The following ATXN1 variants were observed in gnomAD, a reference collection of about 807,000 sequenced individuals.
ATXN1 encodes ataxin-1.
A neutral mutation model predicts 56.4 loss-of-function variants in ATXN1; 8 were observed. That is an observed-to-expected ratio of 0.14 (90% confidence interval 0.08 to 0.26). The LOEUF is 0.26. Ranked by LOEUF, ATXN1 falls within the 10% of genes least tolerant of loss-of-function variation. The pLI, the probability that ATXN1 is intolerant of heterozygous loss-of-function variation, is 1.00. For synonymous variants in ATXN1, 514 were observed against 494.6 expected (o/e 1.04, Z -0.52); for missense variants, 987 against 1,106.5 (o/e 0.89, Z 1.53).
chr6:16,566,169 G>A (rs1052293856), intron 4 of ATXN1, among the ~76,000 whole-genome samples: 5 of 152,124 alleles, frequency 3.3e-5, no homozygotes, highest in South Asian at 2.1e-4. Context: ...CTAGAAATCT[G>A]TAAACTCCAA....
chr6:16,597,130 G>A (rs746800041), intron 3 of ATXN1, among the ~76,000 whole-genome samples: 3 of 152,224 alleles, frequency 2.0e-5, no homozygotes, highest in Non-Finnish European at 2.9e-5. Context: ...CCTCCCAGGG[G>A]ATTGAGCTCC....
chr6:16,326,548 T>C lies in ATXN1; in HGVS notation c.1763A>G (p.Lys588Arg), dbSNP rs1243975499. The stretch of plus-strand genomic sequence containing the variant: ...TTCTGTTTTTAAGTCTTCCACCTTC[T>C]TTAGCTCCCCGTTGGCCAACTGGAT... ...SIIQLANGEL[K>R]KVEDLKTEDF... The change falls in exon 7 of 8, where the codon AAG becomes AGG. Residue 588 changes from lysine (K) to arginine (R), a missense_variant. By Grantham distance (26) the Lys-to-Arg change is conservative. Around this residue, in one of 3 missense-constraint regions of ATXN1, gnomAD observed 68 missense variants for 118.1 expected, o/e 0.58. Coordinates refer to ENST00000436367, the MANE Select transcript of ATXN1 (RefSeq NM_001128164.2). The surrounding 1 kb of genome is among the most constrained non-coding windows in gnomAD (Gnocchi z 6.6). 6.2e-7 allele frequency: 1 copy of C among 1,614,068 alleles called. No individual in the cohort carries two copies. The highest frequency in any genetic ancestry group is 8.5e-7 in the Non-Finnish European group (1 of 1,180,044).
At chr6:16,416,711 C>T (rs1007725387) in intron 6 of ATXN1, among the ~76,000 whole-genome samples, 2 of 152,220 alleles carry the variant, frequency 1.3e-5, no homozygotes, top group African/African-American at 4.8e-5. Context: ...ATACCTCTGA[C>T]CCCTCTGAAT....
chr6:16,456,019 C>A (rs1038736605), intron 6 of ATXN1, among the ~76,000 whole-genome samples: 2 of 152,094 alleles, frequency 1.3e-5, no homozygotes, highest in Admixed American at 6.5e-5. Context: ...TGGGAGGGGA[C>A]AAATAAGGGA....
intron 2 of ATXN1, among the ~76,000 whole-genome samples, chr6:16,724,278 A>G (rs1759803112): frequency 6.6e-6 from 1 of 152,196 alleles, no homozygotes; most frequent in Non-Finnish European, 1.5e-5. Context: ...TCGAGAGAAA[A>G]TTCATGAAGT....
rs756032118 is a variant in ATXN1, at chr6:16,327,432, G to A, written c.879C>T (p.Tyr293=). ...LGPPSQVVMQ[Y]ADSGSHFVPR... is the part of the protein sequence containing the mutation. Reference sequence around the variant, plus strand: ...GGACAAAGTGGCTGCCGGAGTCGGCGTATTGCATGACGACCTGGGAGGGGG... The same window carrying A: ...GGACAAAGTGGCTGCCGGAGTCGGCATATTGCATGACGACCTGGGAGGGGG... The change falls in exon 7 of 8, where the codon TAC becomes TAT. Residue 293 remains tyrosine (Y), a synonymous_variant. Coordinates refer to ENST00000436367, the MANE Select transcript of ATXN1 (RefSeq NM_001128164.2). 3.2e-5 allele frequency: 51 copies of A among 1,613,580 alleles called. No individual in the cohort carries two copies. The highest frequency in any genetic ancestry group is 4.2e-5 in the Non-Finnish European group (49 of 1,179,996).
At chr6:16,308,364 ACACAC>A (rs1760308636) in intron 7 of ATXN1, among the ~76,000 whole-genome samples, 1 of 140,398 alleles carries the variant, frequency 7.1e-6, no homozygotes, top group Admixed American at 7.2e-5. Flanking sequence ...ACACACACAC[ACACAC>A]TTCCTGGGTT....
chr6:16,751,447 C>T (rs367726614), intron 2 of ATXN1, among the ~76,000 whole-genome samples: 28 of 152,330 alleles, frequency 1.8e-4, no homozygotes, highest in African/African-American at 6.5e-4. Flanking sequence ...TTCCCTCCTC[C>T]ACCTTGTCCC....
At chr6:16,751,649 T>C (rs913533040) in intron 2 of ATXN1, among the ~76,000 whole-genome samples, 1 of 151,620 alleles carries the variant, frequency 6.6e-6, no homozygotes, top group Non-Finnish European at 1.5e-5. Context: ...ATTCAGAATT[T>C]AAAATTCAGC....
intron 3 of ATXN1, among the ~76,000 whole-genome samples, chr6:16,650,766 G>T (rs1041980236): frequency 6.6e-6 from 1 of 152,150 alleles, no homozygotes; most frequent in South Asian, 2.1e-4. Flanking sequence ...TAAGGCGAAC[G>T]CTGAGCTGAA....
chr6:16,519,430 G>A (rs551475227), intron 5 of ATXN1, among the ~76,000 whole-genome samples: 5 of 152,164 alleles, frequency 3.3e-5, no homozygotes, highest in Admixed American at 6.5e-5. Flanking sequence ...TAGAGAAACT[G>A]CAATTAGAAA....
At chr6:16,688,340 A>C (rs1185916689) in intron 2 of ATXN1, among the ~76,000 whole-genome samples, 2 of 152,258 alleles carry the variant, frequency 1.3e-5, no homozygotes, top group Non-Finnish European at 2.9e-5. Context: ...GTAAATGAAG[A>C]AACAATAGTT....
chr6:16,690,785 T>G (rs994958442), intron 2 of ATXN1, among the ~76,000 whole-genome samples: 1 of 152,160 alleles, frequency 6.6e-6, no homozygotes, highest in Non-Finnish European at 1.5e-5. Context: ...AGCACCAATG[T>G]AGTCAGTGCT....
Position 16,396,443 on chromosome 6 carries a change from T to G in ATXN1, c.-160-67973A>C, listed in dbSNP as rs149425853. 1.2e-4 allele frequency among the ~76,000 whole-genome samples: 19 copies of G among 152,148 alleles called. No individual in the cohort carries two copies. The East Asian group carries it at 3.3e-3, about 26-fold the overall frequency. Reference sequence around the variant, plus strand: ...AAAACAAGCTTATAGAATAAAGATATAAAGAAAGAAAATATTCTTGTACAG... The same window carrying G: ...AAAACAAGCTTATAGAATAAAGATAGAAAGAAAGAAAATATTCTTGTACAG... On this transcript the variant is annotated intron_variant, in intron 6 of 7. Coordinates refer to ENST00000436367, the MANE Select transcript of ATXN1 (RefSeq NM_001128164.2).
rs897802461 is a variant in ATXN1 at position 16,761,340 on chromosome 6, G to T, written c.-772C>A. 8.8e-6 allele frequency: 4 copies of T among 456,024 alleles called. No homozygotes were observed. Among genetic ancestry groups the T allele is most frequent in the African/African-American group, 4.0e-5 (2 of 49,858 alleles). The allele number at this position is 456,024 out of a possible 1,614,324, so 28.2% of individuals were successfully genotyped here. ...TCTGGGGTTGCGTGGGGAAGGGGGG[G>T]CAGAGGGAGAGAAACAATGTCTTGC... On this transcript the variant is annotated 5_prime_UTR_variant, in exon 1 of 8. Transcript: ENST00000436367.
At chr6:16,373,227 G>A (rs1762080919) in intron 6 of ATXN1, among the ~76,000 whole-genome samples, 2 of 152,188 alleles carry the variant, frequency 1.3e-5, no homozygotes, top group African/African-American at 2.4e-5. Flanking sequence ...TGGTTCAATG[G>A]TATGGTTTCT....
chr6:16,430,802 T>C (rs932131427), intron 6 of ATXN1, among the ~76,000 whole-genome samples: 1 of 152,186 alleles, frequency 6.6e-6, no homozygotes, highest in African/African-American at 2.4e-5. Flanking sequence ...CATCTAACTC[T>C]CTTGACTGAG....
chr6:16,541,901 ACT>A (rs1218675258), intron 4 of ATXN1, among the ~76,000 whole-genome samples: 3 of 152,134 alleles, frequency 2.0e-5, no homozygotes, highest in Non-Finnish European at 4.4e-5. Flanking sequence ...AGCACCCAAA[ACT>A]CAAAGGACAG....
chr6:16,589,481 C>T (rs997954008), intron 3 of ATXN1, among the ~76,000 whole-genome samples: 5 of 151,432 alleles, frequency 3.3e-5, no homozygotes, highest in African/African-American at 4.9e-5. Context: ...CATACACACA[C>T]GTTTCATACT....
Sources: gnomAD v4.1 joint callset for allele counts (sites outside exome capture counted in the v4.1 genomes callset) on GRCh38, gnomAD v4.1.1 for gene constraint, gnomAD v4.1.1 regional missense constraint, Gnocchi (gnomAD v3.1) non-coding constraint, MANE v1.5 for transcripts, NCBI Gene and HGNC (gene_info 2026-07-23, HGNC 2026-07-21) for gene names.